SIRT3: variants seen among roughly 807,000 people sequenced by gnomAD.
The protein encoded by SIRT3 is NAD-dependent protein deacetylase sirtuin-3, mitochondrial.
SIRT3 carries 26 observed loss-of-function variants against 33.5 expected under a neutral mutation model. The ratio of observed to expected loss-of-function variants is 0.78; its 90% CI spans 0.57 to 1.08. The LOEUF (loss-of-function observed/expected upper bound fraction) is 1.08, where lower values mean the gene tolerates loss of function less well. Ranked by LOEUF, SIRT3 falls within the 50% of genes least tolerant of loss-of-function variation. SIRT3 has a pLI of 0.00. For missense variants in SIRT3, 585 were observed against 530.1 expected (o/e 1.10, Z -1.02); for synonymous variants, 237 against 222.1 (o/e 1.07, Z -0.60).
intron 3 of SIRT3, among the ~76,000 whole-genome samples, 196 bp downstream of exon 3, chr11:232,787 C>T (rs1361413569): frequency 6.6e-6 from 1 of 152,140 alleles, no homozygotes; most frequent in African/African-American, 2.4e-5. Flanking sequence ...GGACATTTTC[C>T]TTGGGAACAA....
chr11:227,725 A>G (rs1045327861), intron 4 of SIRT3, among the ~76,000 whole-genome samples: 1 of 152,008 alleles, frequency 6.6e-6, no homozygotes, highest in African/African-American at 2.4e-5. Context: ...CCCAGGTTCA[A>G]GCAATTCTTC....
Position 223,885 on chromosome 11 carries a change from CCCTTCCCCTGCCCT to C in SIRT3, c.969+179_969+192del. 1.4e-5 allele frequency: 5 copies of C among 363,952 alleles called. No homozygotes were observed. The highest frequency in any genetic ancestry group is 2.1e-5 in the Non-Finnish European group (4 of 187,872). The allele number at this position is 363,952 out of a possible 1,614,324, so 22.5% of individuals were successfully genotyped here. ...CCCATGAGATGACTCCTGTACCCCT[CCCTTCCCCTGCCCT>C]CCAGCCTCCTCCCTGCACAGGCCTG... On this transcript the variant is annotated intron_variant, in intron 5 of 6. Coordinates refer to ENST00000382743, the MANE Select transcript of SIRT3 (RefSeq NM_012239.6). This position sits in a 1 kb window ranked among gnomAD's most constrained non-coding sequence, Gnocchi z 4.8.
intron 3 of SIRT3, among the ~76,000 whole-genome samples, chr11:231,005 T>G (rs573570549): frequency 6.6e-6 from 1 of 151,884 alleles, no homozygotes; most frequent in East Asian, 1.9e-4. Flanking sequence ...GCACCTGTAG[T>G]GCCAGCTACT....
At chr11:228,660 C>CT (rs1365804145) in intron 4 of SIRT3, among the ~76,000 whole-genome samples, 1 of 152,116 alleles carries the variant, frequency 6.6e-6, no homozygotes, top group Admixed American at 6.6e-5. Context: ...CTATAAAACT[C>CT]TTATAAGAAA....
Position 236,073 on chromosome 11 carries a change from C to A in SIRT3, c.256G>T (p.Ala86Ser). ...PRAFRRQPRA[A>S]APSFFFSSIK... ...CTCGAAAAGAAGAAACTGGGAGCTG[C>A]TGCCCTCGGCTGCCTCCGGAATGCC... Residue 86 changes from alanine (A) to serine (S), a missense_variant, in exon 1 of 7, where the codon GCA becomes TCA. Ala to Ser is a moderately conservative substitution (Grantham distance 99, BLOSUM62 1). Transcript: ENST00000382743. 6.5e-7 allele frequency: 1 copy of A among 1,541,526 alleles called. No individual in the cohort carries two copies.
intron 3 of SIRT3, 78 bp downstream of exon 3, chr11:232,905 C>A (rs1478836897): frequency 1.4e-6 from 2 of 1,402,026 alleles, no homozygotes; most frequent in Non-Finnish European, 1.0e-6. Flanking sequence ...GAAACAGGCA[C>A]CCGAGCCTCC....
upstream of SIRT3, chr11:236,914 C>CCGCCCCCGGCCTGCTACGGCGCT (rs1160558389): frequency 2.7e-6 from 2 of 730,410 alleles, no homozygotes; most frequent in African/African-American, 3.6e-5. Flanking sequence ...CCAGCGGGGC[C>CCGCCCCCGGCCTGCTACGGCGCT]CGCCCCCGGC....
rs1855608053 is a variant in SIRT3, at chr11:216,020, G to A, written c.*678C>T. The A allele has an allele frequency of 6.5e-6, 1 of 152,866 alleles. No individual in the cohort carries two copies. Among genetic ancestry groups the A allele is most frequent in the South Asian group, 2.1e-4 (1 of 4,830 alleles). 9.5% of individuals were successfully genotyped at this position (152,866 alleles called of 1,614,324 possible). ...CAGAATGTGACCACCTTCAGAGGGAGGAGCTGGGCCGTCTCCAATAAATCC... is the reference window on the plus strand; with the variant it reads ...CAGAATGTGACCACCTTCAGAGGGAAGAGCTGGGCCGTCTCCAATAAATCC... On this transcript the variant is annotated 3_prime_UTR_variant, in exon 7 of 7. Coordinates refer to ENST00000382743, the MANE Select transcript of SIRT3 (RefSeq NM_012239.6).
chr11:224,776 C>T (rs763389847), intron 4 of SIRT3, among the ~76,000 whole-genome samples: 1 of 152,116 alleles, frequency 6.6e-6, no homozygotes, highest in Admixed American at 6.5e-5. Context: ...ACACTGCTTC[C>T]TTACTGGCCA....
Position 218,151 on chromosome 11 carries a change from A to G in SIRT3, c.1179+681T>C, listed in dbSNP as rs1855914051. Among the ~76,000 whole-genome samples, 3 of 152,274 alleles carry G rather than the reference A, an allele frequency of 2.0e-5. No individual in the cohort carries two copies. In the South Asian group the frequency reaches 6.2e-4, roughly 32 times the overall value. The stretch of plus-strand genomic sequence containing the variant: ...GCCTTTATGAGCAGCCAGAGAACAG[A>G]CTAATACACTGGTGAAATCCCCTTT... On this transcript the variant is annotated intron_variant, in intron 6 of 6. Coordinates refer to ENST00000382743, the MANE Select transcript of SIRT3 (RefSeq NM_012239.6).
At chr11:217,649 T>C (rs1319361055) in intron 6 of SIRT3, among the ~76,000 whole-genome samples, 1 of 152,204 alleles carries the variant, frequency 6.6e-6, no homozygotes, top group African/African-American at 2.4e-5. Context: ...AACCAGAGGT[T>C]GGAGGTCTTG....
chr11:229,269 G>A (rs1408341280), intron 4 of SIRT3, among the ~76,000 whole-genome samples: 7 of 52,338 alleles, frequency 1.3e-4, no homozygotes, highest in Non-Finnish European at 2.4e-4. Flanking sequence ...GGCCAACATG[G>A]TGAAACTACT....
At chr11:227,599 C>A (rs1003580387) in intron 4 of SIRT3, among the ~76,000 whole-genome samples, 1 of 151,976 alleles carries the variant, frequency 6.6e-6, no homozygotes, top group Non-Finnish European at 1.5e-5. Flanking sequence ...ACCTGTTGCC[C>A]AAATTATCTA....
At chr11:226,052 C>T (rs1230652143) in intron 4 of SIRT3, 1 of 151,784 alleles carries the variant, frequency 6.6e-6, no homozygotes, top group African/African-American at 2.4e-5. Flanking sequence ...TGTGAGACTT[C>T]AGTAAGTGCC....
chr11:236,018 G>A lies in SIRT3; in HGVS notation c.281+30C>T, dbSNP rs747577907. The A allele has an allele frequency of 6.2e-6, 9 of 1,455,060 alleles. No individual in the cohort carries two copies. The South Asian group carries it at 1.1e-4, about 19-fold the overall frequency. The allele number at this position is 1,455,060 out of a possible 1,614,324, so 90.1% of individuals were successfully genotyped here. A position where few individuals can be genotyped will look rare whatever the true frequency, so the allele number is the denominator to read the frequency against. On this transcript the variant is annotated intron_variant, in intron 1 of 6. Transcript: ENST00000382743. ...TGGGCGAGGTGTCGACAACGAACAC[G>A]CAAGAAGTGCTTGTCCTTGCCCAAA...
At chr11:216,807 A>T in intron 6 of SIRT3, 89 bp from the exon 7 acceptor site, 3 of 1,375,302 alleles carry the variant, frequency 2.2e-6, no homozygotes, top group Non-Finnish European at 3.1e-6. Context: ...CTAGCTGCAG[A>T]CATGCAAAAT....
chr11:219,619 T>TA (rs10714847), intron 5 of SIRT3, among the ~76,000 whole-genome samples: 15 of 151,970 alleles, frequency 9.9e-5, no homozygotes, highest in East Asian at 9.7e-4. Flanking sequence ...AGGAACAAGG[T>TA]AAAAAAATGG....
intron 6 of SIRT3, among the ~76,000 whole-genome samples, chr11:217,645 A>T (rs980231811): frequency 6.6e-6 from 1 of 152,292 alleles, no homozygotes; most frequent in Admixed American, 6.5e-5. Flanking sequence ...CTGCAACCAG[A>T]GGTTGGAGGT....
intron 6 of SIRT3, 145 bp from the exon 7 acceptor site, chr11:216,863 CTGGGCT>C: frequency 1.1e-6 from 1 of 910,616 alleles, no homozygotes; most frequent in Non-Finnish European, 1.8e-6. Context: ...TGCTGCTGTG[CTGGGCT>C]AAGAGGATCC....
Sources: allele counts gnomAD v4.1 joint callset (sites outside exome capture counted in the v4.1 genomes callset), GRCh38; gene constraint gnomAD v4.1.1; non-coding constraint Gnocchi (gnomAD v3.1); transcripts MANE v1.5; gene names NCBI Gene and HGNC (gene_info 2026-07-23, HGNC 2026-07-21).